Variants in AHI1 observed in about 807,000 individuals in gnomAD.
The protein encoded by AHI1 is jouberin.
A neutral mutation model predicts 149.3 loss-of-function variants in AHI1; 123 were observed. That is an observed-to-expected ratio of 0.82 (90% confidence interval 0.71 to 0.96). The LOEUF (loss-of-function observed/expected upper bound fraction) is 0.96. AHI1 is among the 40% of genes least tolerant of loss of function. The pLI, the probability that AHI1 is intolerant of heterozygous loss-of-function variation, is 0.00. For missense variants in AHI1, 1,439 were observed against 1,422.7 expected, an observed-to-expected ratio of 1.01 and a Z score of -0.18; for synonymous variants, 475 against 459.8, an observed-to-expected ratio of 1.03 and a Z score of -0.42.
intron 10 of AHI1, among the ~76,000 whole-genome samples, chr6:135,454,529 G>C (rs2128073617): frequency 6.6e-6 from 1 of 152,102 alleles, no homozygotes; most frequent in Non-Finnish European, 1.5e-5. Flanking sequence ...CATCTTCACG[G>C]ACTTGTCATT....
At chr6:135,428,854 C>A in intron 18 of AHI1, 95 bp from the exon 19 acceptor site, 1 of 1,158,602 alleles carries the variant, frequency 8.6e-7, no homozygotes, top group South Asian at 1.8e-5. Flanking sequence ...AATTTCCATT[C>A]AACAAACATT....
chr6:135,370,920 G>T (rs1014105981), intron 23 of AHI1, among the ~76,000 whole-genome samples: 4 of 151,636 alleles, frequency 2.6e-5, no homozygotes, highest in Non-Finnish European at 2.9e-5. Flanking sequence ...GTTCCCTTCT[G>T]GATTCTAACA....
chr6:135,467,105 T>C (rs1000267160), intron 6 of AHI1, among the ~76,000 whole-genome samples: 2 of 152,184 alleles, frequency 1.3e-5, no homozygotes, highest in Admixed American at 6.5e-5. Context: ...CTTTCACCCA[T>C]GGGATTAAGC....
At chr6:135,306,934 A>T (rs1784595072) in intron 26 of AHI1, 1 of 152,218 alleles carries the variant, frequency 6.6e-6, no homozygotes, top group Admixed American at 6.5e-5. Flanking sequence ...AATTCCTGCA[A>T]ACTGAAGGGT....
At chr6:135,457,283 G>C (rs556114708) in intron 9 of AHI1, among the ~76,000 whole-genome samples, 10 of 151,870 alleles carry the variant, frequency 6.6e-5, no homozygotes, top group African/African-American at 2.4e-4. Flanking sequence ...ACTCCATCTC[G>C]GAAAAAAAGT....
chr6:135,453,880 T>A (rs939050423), intron 10 of AHI1, among the ~76,000 whole-genome samples: 1 of 152,146 alleles, frequency 6.6e-6, no homozygotes, highest in Non-Finnish European at 1.5e-5. Flanking sequence ...TAATTAGGCT[T>A]CTCAAGAGGA....
At chr6:135,303,325 G>C (rs1784121179) in intron 26 of AHI1, among the ~76,000 whole-genome samples, 3 of 152,082 alleles carry the variant, frequency 2.0e-5, no homozygotes, top group African/African-American at 4.8e-5. Flanking sequence ...ACTTAAATAA[G>C]GCAAATTTAT....
chr6:135,327,093 G>A (rs144667972), intron 24 of AHI1, among the ~76,000 whole-genome samples: 2 of 152,320 alleles, frequency 1.3e-5, no homozygotes, highest in East Asian at 3.9e-4. Flanking sequence ...AAATGGATGA[G>A]TAGCAGTCGA....
intron 28 of AHI1, among the ~76,000 whole-genome samples, chr6:135,289,275 G>A (rs1399318547): frequency 6.6e-6 from 1 of 151,764 alleles, no homozygotes. Flanking sequence ...GCAGGTGGAT[G>A]GCTTGAGGTC....
At chr6:135,359,372 C>T (rs532246964) in intron 23 of AHI1, among the ~76,000 whole-genome samples, 6 of 152,180 alleles carry the variant, frequency 3.9e-5, no homozygotes, top group East Asian at 3.9e-4. Flanking sequence ...CATGGATATC[C>T]TTTTCTGAAG....
chr6:135,434,857 G>A (rs1265318477), intron 15 of AHI1, among the ~76,000 whole-genome samples: 1 of 152,164 alleles, frequency 6.6e-6, no homozygotes, highest in African/African-American at 2.4e-5. Context: ...ATATAGGCCT[G>A]TGTGGGAGCC....
chr6:135,469,274 A>C (rs1458849279), intron 5 of AHI1, among the ~76,000 whole-genome samples: 1 of 152,216 alleles, frequency 6.6e-6, no homozygotes, highest in Non-Finnish European at 1.5e-5. Context: ...GATTATCTGA[A>C]TAGACACAGG....
intron 5 of AHI1, among the ~76,000 whole-genome samples, chr6:135,481,290 A>C (rs1166678682): frequency 2.6e-5 from 4 of 152,256 alleles, no homozygotes; most frequent in Non-Finnish European, 1.5e-5. Flanking sequence ...TATAAGCAAC[A>C]GAAAACTAAG....
chr6:135,470,881 A>T lies in AHI1; in HGVS notation c.136-3247T>A, dbSNP rs563257965. The stretch of plus-strand genomic sequence containing the variant: ...GGTGGAGAGGTTTGTTACCTATGTA[A>T]CAAACTTGCAAGTCCTACACATGTA... On this transcript the variant is annotated intron_variant, in intron 5 of 28. Transcript: ENST00000265602. 5.9e-5 allele frequency among the ~76,000 whole-genome samples: 9 copies of T among 152,278 alleles called. No individual in the cohort carries two copies. The East Asian group carries it at 1.2e-3, about 20-fold the overall frequency.
rs371781953 is a variant in AHI1 at position 135,428,155 on chromosome 6, T to G, written c.2623+474A>C. Among the ~76,000 whole-genome samples the G allele has an allele frequency of 9.9e-5, 15 of 151,794 alleles. No homozygotes were observed. In the East Asian group the frequency reaches 2.9e-3, roughly 29 times the overall value. On this transcript the variant is annotated intron_variant, in intron 19 of 28. Transcript: ENST00000265602. ...GCACAAGTGAGCTTCCCAATGTAAT[T>G]GTTTATTGGAAAAAAACTGAACTGC...
intron 23 of AHI1, among the ~76,000 whole-genome samples, chr6:135,359,666 G>A (rs566548083): frequency 6.6e-6 from 1 of 152,226 alleles, no homozygotes. Flanking sequence ...ATGGCAACTG[G>A]CTTTCAAATG....
intron 24 of AHI1, 129 bp from the exon 25 acceptor site, chr6:135,323,453 C>G (rs1787180945): frequency 4.3e-6 from 4 of 936,180 alleles, no homozygotes; most frequent in South Asian, 2.1e-5. Context: ...GAGGCTGTCT[C>G]AAGGTTTGCT....
intron 20 of AHI1, among the ~76,000 whole-genome samples, chr6:135,412,390 C>T (rs1471716135): frequency 1.3e-5 from 2 of 152,164 alleles, no homozygotes; most frequent in African/African-American, 4.8e-5. Context: ...CTATAGATAA[C>T]AAGAGATAAC....
chr6:135,433,388 A>G (rs1243606035), intron 15 of AHI1, 132 bp from the exon 16 acceptor site: 1 of 611,446 alleles, frequency 1.6e-6, no homozygotes, highest in East Asian at 2.8e-5. Context: ...ACCAAGTTTT[A>G]AAACAATGAA....
Sources: gnomAD v4.1 joint callset for allele counts (sites outside exome capture counted in the v4.1 genomes callset) on GRCh38, gnomAD v4.1.1 for gene constraint, MANE v1.5 for transcripts, NCBI Gene and HGNC (gene_info 2026-07-23, HGNC 2026-07-21) for gene names.